TAB2: variants seen among roughly 807,000 people sequenced by gnomAD.
The protein encoded by TAB2 is TGF-beta-activated kinase 1 and MAP3K7-binding protein 2.
In TAB2, 3 loss-of-function variants were observed where a neutral mutation model predicts 65.0. The ratio of observed to expected loss-of-function variants is 0.05; its 90% confidence interval spans 0.02 to 0.12. The LOEUF is 0.12. Among genes scored for constraint, TAB2 ranks in the 10% least tolerant of loss-of-function variants. The probability of loss-of-function intolerance (pLI) is 1.00; values close to 1 mark genes in which losing one functional copy is unlikely to be tolerated. For synonymous variants in TAB2, 298 were observed against 285.1 expected (o/e 1.05, Z -0.46); for missense variants, 623 against 840.3 (o/e 0.74, Z 3.20).
At chr6:149,316,396 T>G (rs34279568), upstream of TAB2, among the ~76,000 whole-genome samples, 4,107 of 152,254 alleles carry the variant, frequency 0.027, 88 homozygotes, top group African/African-American at 0.059. Context: ...TAAAAGATGG[T>G]TTAAAAAAAA....
At chr6:149,381,547 T>A (rs2114896000) in intron 3 of TAB2, among the ~76,000 whole-genome samples, 1 of 151,174 alleles carries the variant, frequency 6.6e-6, no homozygotes, top group East Asian at 2.0e-4. Context: ...TTAAACTTGC[T>A]ATCTTCAATT....
intron 1 of TAB2, among the ~76,000 whole-genome samples, chr6:149,365,281 A>G (rs1781002627): frequency 6.6e-6 from 1 of 152,330 alleles, no homozygotes; most frequent in African/African-American, 2.4e-5. Context: ...TTTGAAATTA[A>G]GTAAATACCA....
chr6:149,366,591 G>C (rs1781046973), intron 1 of TAB2, among the ~76,000 whole-genome samples: 1 of 152,066 alleles, frequency 6.6e-6, no homozygotes, highest in African/African-American at 2.4e-5. Flanking sequence ...AGTTACCCTT[G>C]CTGTTTCCTT....
chr6:149,241,114 C>A (rs1291438616), intron 1 of TAB2, among the ~76,000 whole-genome samples: 1 of 152,134 alleles, frequency 6.6e-6, no homozygotes, highest in Non-Finnish European at 1.5e-5. Context: ...CACCTACACA[C>A]CACAAGAAGA....
intron 1 of TAB2, chr6:149,243,526 C>A (rs1777641330): frequency 6.6e-6 from 1 of 152,162 alleles, no homozygotes; most frequent in African/African-American, 2.4e-5. Context: ...CAAATCTTCC[C>A]CCACCTCCAT....
At chr6:149,265,003 T>A (rs2114670621) in intron 1 of TAB2, among the ~76,000 whole-genome samples, 1 of 152,276 alleles carries the variant, frequency 6.6e-6, no homozygotes, top group East Asian at 1.9e-4. Flanking sequence ...TTTTGCACCT[T>A]TGGAAACTGC....
chr6:149,316,947 G>T (rs1475524932), upstream of TAB2, among the ~76,000 whole-genome samples: 4 of 151,738 alleles, frequency 2.6e-5, no homozygotes, highest in Admixed American at 6.6e-5. Context: ...GGTGCGATCC[G>T]GCTCCAAGGG....
chr6:149,339,591 TTA>T (rs768530316), intron 1 of TAB2, among the ~76,000 whole-genome samples: 3,383 of 16,938 alleles, frequency 0.2, 144 homozygotes, highest in African/African-American at 0.33. Flanking sequence ...TCTTTTTTAT[TTA>T]TTTATTTATT....
chr6:149,298,369 G>T (rs1034052511), intron 1 of TAB2, among the ~76,000 whole-genome samples: 1 of 152,164 alleles, frequency 6.6e-6, no homozygotes, highest in Non-Finnish European at 1.5e-5. Context: ...GCTCAGCCAC[G>T]TGTAATTCCA....
intron 1 of TAB2, among the ~76,000 whole-genome samples, chr6:149,250,947 G>A (rs1400061517): frequency 2.0e-5 from 3 of 152,040 alleles, no homozygotes; most frequent in East Asian, 1.9e-4. Context: ...TGTTTTCTCC[G>A]AAACCTCGCT....
At chr6:149,262,997 T>C (rs1414997862) in intron 1 of TAB2, among the ~76,000 whole-genome samples, 2 of 151,808 alleles carry the variant, frequency 1.3e-5, no homozygotes, top group African/African-American at 4.8e-5. Flanking sequence ...TAGAGGTGGG[T>C]TTTCACTCTG....
At chr6:149,317,411 A>G (rs1189981987), upstream of TAB2, 55 of 77,896 alleles carry the variant, frequency 7.1e-4, no homozygotes, top group Non-Finnish European at 5.5e-4. This position sits in a 1 kb window ranked among gnomAD's most constrained non-coding sequence, Gnocchi z 4.7. Flanking sequence ...CCCGGGCCGC[A>G]GCCGCAGCCG....
chr6:149,402,044 A>G (rs894641483), intron 6 of TAB2, among the ~76,000 whole-genome samples: 1 of 151,980 alleles, frequency 6.6e-6, no homozygotes, highest in Non-Finnish European at 1.5e-5. Flanking sequence ...GGGAACCAGT[A>G]GAAGAACAAC....
At chr6:149,327,662 A>G (rs1779659575) in intron 1 of TAB2, among the ~76,000 whole-genome samples, 1 of 152,218 alleles carries the variant, frequency 6.6e-6, no homozygotes, top group African/African-American at 2.4e-5. Context: ...CAGATATTTT[A>G]TAATTTGCAT....
At chr6:149,229,333 C>T (rs1777352135) in intron 1 of TAB2, among the ~76,000 whole-genome samples, 2 of 151,966 alleles carry the variant, frequency 1.3e-5, no homozygotes, top group South Asian at 4.1e-4. Context: ...TGGCACCGTG[C>T]TTCTACTAAC....
At chr6:149,294,147 C>T (rs1778832391) in intron 1 of TAB2, among the ~76,000 whole-genome samples, 1 of 152,210 alleles carries the variant, frequency 6.6e-6, no homozygotes, top group Non-Finnish European at 1.5e-5. Context: ...AACAGTACCA[C>T]AGACTGGGGT....
rs757103557 is a variant in TAB2, at chr6:149,400,659, C to T, written c.1939+1475C>T. The T allele has an allele frequency of 3.1e-6, 5 of 1,614,058 alleles. No individual in the cohort carries two copies. The South Asian group carries it at 5.5e-5, about 18-fold the overall frequency. On this transcript the variant is annotated intron_variant, in intron 6 of 6. Coordinates refer to ENST00000637181, the MANE Select transcript of TAB2 (RefSeq NM_001292034.3). ...AGATACAATTGATGTGTTTCAACAG[C>T]CTACGGGAGGTGTCTACTGAAAAGG... is the stretch of plus-strand genomic sequence containing the variant.
rs530558694 is a variant in TAB2, at chr6:149,293,816, T to C, written c.-121+75040T>C. Among the ~76,000 whole-genome samples, 8 of 152,296 alleles carry C rather than the reference T, an allele frequency of 5.3e-5. No homozygotes were observed. The South Asian group carries it at 1.7e-3, about 32-fold the overall frequency. Reference sequence around the variant, plus strand: ...TCATCTGATAATATGAAAAGAACCATCATAGAAGCAGCTATTCTGCTATAA... The same window carrying C: ...TCATCTGATAATATGAAAAGAACCACCATAGAAGCAGCTATTCTGCTATAA... On this transcript the variant is annotated intron_variant, in intron 1 of 1. Transcript: ENST00000606202.
chr6:149,376,506 A>G (rs1466354351), intron 2 of TAB2, among the ~76,000 whole-genome samples: 2 of 152,062 alleles, frequency 1.3e-5, no homozygotes, highest in African/African-American at 4.8e-5. Context: ...TCACCTTTAT[A>G]TTCTTCTTTA....
Sources: gnomAD v4.1 joint callset for allele counts (sites outside exome capture counted in the v4.1 genomes callset) on GRCh38, gnomAD v4.1.1 for gene constraint, Gnocchi (gnomAD v3.1) non-coding constraint, MANE v1.5 for transcripts, NCBI Gene and HGNC (gene_info 2026-07-23, HGNC 2026-07-21) for gene names.